Variants in RIMKLA observed in about 807,000 individuals in gnomAD.
RIMKLA encodes N-acetylaspartylglutamate synthase A.
RIMKLA carries 14 observed loss-of-function variants against 32.7 expected under a neutral mutation model. The ratio of observed to expected loss-of-function variants is 0.43; its 90% CI spans 0.28 to 0.67. The LOEUF (loss-of-function observed/expected upper bound fraction) is 0.67. Ranked by LOEUF, RIMKLA falls within the 30% of genes least tolerant of loss-of-function variation. The pLI, the probability that RIMKLA is intolerant of heterozygous loss-of-function variation, is 0.18. For missense variants in RIMKLA, 410 were observed against 519.0 expected (o/e 0.79, Z 2.04); for synonymous variants, 176 against 204.1 (o/e 0.86, Z 1.18).
chr1:42,403,241 C>T (rs1189890677), intron 2 of RIMKLA, among the ~76,000 whole-genome samples: 1 of 152,070 alleles, frequency 6.6e-6, no homozygotes, highest in Non-Finnish European at 1.5e-5. Context: ...CTCTCTAAGC[C>T]CACAGCAAAG....
intron 1 of RIMKLA, among the ~76,000 whole-genome samples, chr1:42,397,244 TTTTG>T (rs1165497948): frequency 6.6e-6 from 1 of 152,166 alleles, no homozygotes; most frequent in Non-Finnish European, 1.5e-5. Flanking sequence ...TTTGTGGGTG[TTTTG>T]TTTTTCATCT....
chr1:42,391,894 T>C (rs139275701), intron 1 of RIMKLA, among the ~76,000 whole-genome samples: 83 of 152,196 alleles, frequency 5.5e-4, no homozygotes, highest in African/African-American at 2.0e-3. Flanking sequence ...CAAAGCGATT[T>C]TTGTGTCTTG....
intron 1 of RIMKLA, among the ~76,000 whole-genome samples, chr1:42,382,223 C>A (rs963034439): frequency 5.9e-5 from 9 of 152,210 alleles, no homozygotes; most frequent in Admixed American, 4.6e-4. Context: ...GAGAAATATA[C>A]CATAAACATT....
intron 1 of RIMKLA, among the ~76,000 whole-genome samples, chr1:42,395,283 G>C (rs1643033343): frequency 6.6e-6 from 1 of 151,682 alleles, no homozygotes; most frequent in South Asian, 2.1e-4. Context: ...GTTGGTCACT[G>C]TCCTAACTTG....
chr1:42,414,531 G>C lies in RIMKLA; in HGVS notation c.733G>C (p.Ala245Pro). The change falls in exon 5 of 5, where the codon GCT becomes CCT. Residue 245 changes from alanine (A) to proline (P), a missense_variant. Ala to Pro is a conservative substitution (Grantham distance 27). Transcript: ENST00000431473. ...CPLTEQGKQL[A>P]IQVSNILGMD... is the part of the protein sequence containing the mutation. ...GCTGACAGAACAAGGCAAGCAGTTG[G>C]CTATTCAGGTGTCCAACATCCTAGG... 6.2e-7 allele frequency: 1 copy of C among 1,614,202 alleles called. No homozygotes were observed. Among genetic ancestry groups the C allele is most frequent in the Non-Finnish European group, 8.5e-7 (1 of 1,180,028 alleles).
chr1:42,419,344 G>A lies in RIMKLA; in HGVS notation c.*4370G>A, dbSNP rs892967198. The stretch of plus-strand genomic sequence containing the variant: ...CCTGGTTTGGTAATTTTGCTGTGAG[G>A]TTCATGTTCTCTGGGGCTCCAGGGC... On this transcript the variant is annotated 3_prime_UTR_variant, in exon 5 of 5. Coordinates refer to ENST00000431473, the MANE Select transcript of RIMKLA (RefSeq NM_173642.4). The A allele has an allele frequency of 4.6e-5, 7 of 152,254 alleles. No homozygotes were observed. Among genetic ancestry groups the A allele is most frequent in the African/African-American group, 1.7e-4 (7 of 41,430 alleles). 9.4% of individuals were successfully genotyped at this position (152,254 alleles called of 1,614,324 possible).
chr1:42,401,568 T>C (rs1215418899), intron 2 of RIMKLA, among the ~76,000 whole-genome samples: 7 of 152,052 alleles, frequency 4.6e-5, no homozygotes, highest in African/African-American at 1.4e-4. Flanking sequence ...ATCAAAAGTA[T>C]TGTGTGATTC....
Position 42,422,273 on chromosome 1 carries a change from A to T in RIMKLA, c.*7299A>T, listed in dbSNP as rs972523036. 6.6e-6 allele frequency: 1 copy of T among 152,260 alleles called. No individual in the cohort carries two copies. The highest frequency in any genetic ancestry group is 6.5e-5 in the Admixed American group (1 of 15,292). The allele number at this position is 152,260 out of a possible 1,614,324, so 9.4% of individuals were successfully genotyped here. ...CTGCTTGTTCTGTCTAACTTCTGTG[A>T]TTTCAACACTTGAGAAAGATGTTTA... is the stretch of plus-strand genomic sequence containing the variant. On this transcript the variant is annotated 3_prime_UTR_variant, in exon 5 of 5. Transcript: ENST00000431473.
At chr1:42,393,001 A>G (rs1643013631) in intron 1 of RIMKLA, among the ~76,000 whole-genome samples, 1 of 151,954 alleles carries the variant, frequency 6.6e-6, no homozygotes, top group Non-Finnish European at 1.5e-5. Context: ...CAAAACAAAA[A>G]CTTGAAATTG....
chr1:42,382,046 CTG>C (rs2148380682), intron 1 of RIMKLA, among the ~76,000 whole-genome samples: 1 of 152,304 alleles, frequency 6.6e-6, no homozygotes. Flanking sequence ...AGCTCGTAAT[CTG>C]TTACTTTGCT....
rs947779869 is a variant in RIMKLA, at chr1:42,420,640, G to A, written c.*5666G>A. The A allele has an allele frequency of 4.6e-5, 7 of 152,154 alleles. No homozygotes were observed. Among genetic ancestry groups the A allele is most frequent in the African/African-American group, 7.2e-5 (3 of 41,434 alleles). The allele number at this position is 152,154 out of a possible 1,614,324, so 9.4% of individuals were successfully genotyped here. On this transcript the variant is annotated 3_prime_UTR_variant, in exon 5 of 5. Transcript: ENST00000431473. Reference sequence around the variant, plus strand: ...GACGAAGACAGTTCCCTCCCCAAGCGGAATTCGAGTGCCATCTCTTAAGGT... The same window carrying A: ...GACGAAGACAGTTCCCTCCCCAAGCAGAATTCGAGTGCCATCTCTTAAGGT...
chr1:42,402,836 C>T (rs528185104), intron 2 of RIMKLA, among the ~76,000 whole-genome samples: 7 of 152,226 alleles, frequency 4.6e-5, no homozygotes, highest in South Asian at 2.1e-4. Context: ...GGCAGTCCGC[C>T]CACCTCGGCG....
In RIMKLA at chr1:42,422,809, C is replaced by G. The variant is rs902680849; in HGVS notation, c.*7835C>G. On this transcript the variant is annotated 3_prime_UTR_variant, in exon 5 of 5. Transcript: ENST00000431473. ...TCTGAATTGTAATACTGCCAACTCT[C>G]AACTGTCAAGATGATGGAGGAAAAT... Among the ~76,000 whole-genome samples the G allele has an allele frequency of 3.9e-5, 6 of 152,198 alleles. No individual in the cohort carries two copies. Among genetic ancestry groups the G allele is most frequent in the African/African-American group, 1.4e-4 (6 of 41,444 alleles).
intron 1 of RIMKLA, among the ~76,000 whole-genome samples, chr1:42,382,391 A>T (rs1421101317): frequency 6.6e-6 from 1 of 152,214 alleles, no homozygotes; most frequent in Non-Finnish European, 1.5e-5. Context: ...ACAGTTAACA[A>T]GTATCTTGGC....
intron 1 of RIMKLA, among the ~76,000 whole-genome samples, chr1:42,387,694 T>A (rs978692759): frequency 1.3e-5 from 2 of 152,174 alleles, no homozygotes; most frequent in East Asian, 1.9e-4. Context: ...TTCATTTTTT[T>A]AAATCCTGTC....
rs937035176 is a variant in RIMKLA, at chr1:42,416,945, G to T, written c.*1971G>T. 6.6e-6 allele frequency: 1 copy of T among 152,152 alleles called. No homozygotes were observed. Among genetic ancestry groups the T allele is most frequent in the Non-Finnish European group, 1.5e-5 (1 of 68,020 alleles). 9.4% of individuals were successfully genotyped at this position (152,152 alleles called of 1,614,324 possible). On this transcript the variant is annotated 3_prime_UTR_variant, in exon 5 of 5. Transcript: ENST00000431473. ...AACTGTAACCCTAGTAATGTGTCTT[G>T]TACAGTTGAAAAATAATACTTCACC... is the stretch of plus-strand genomic sequence containing the variant.
rs373978535 is a variant in RIMKLA at position 42,404,486 on chromosome 1, A to G, written c.395-25A>G. On this transcript the variant is annotated intron_variant, in intron 2 of 4. Transcript: ENST00000431473. ...CTACCTGACTATCAGCCTTACCTTC[A>G]CTGACTTTCACCTTTTCTTGGCAGG... The G allele has an allele frequency of 1.8e-4, 275 of 1,552,626 alleles. No individual in the cohort carries two copies. The African/African-American group carries it at 3.2e-3, about 18-fold the overall frequency.
intron 1 of RIMKLA, among the ~76,000 whole-genome samples, chr1:42,393,085 A>G (rs964104555): frequency 1.3e-5 from 2 of 152,224 alleles, no homozygotes; most frequent in Non-Finnish European, 2.9e-5. Flanking sequence ...CCTCAGCAGG[A>G]TTCAGCTCTG....
intron 2 of RIMKLA, among the ~76,000 whole-genome samples, chr1:42,400,987 A>G (rs926388821): frequency 1.3e-5 from 2 of 152,002 alleles, no homozygotes; most frequent in South Asian, 2.1e-4. Context: ...CCTTTCGGGC[A>G]GTGGTCCCCA....
Sources: allele counts gnomAD v4.1 joint callset (sites outside exome capture counted in the v4.1 genomes callset), GRCh38; gene constraint gnomAD v4.1.1; transcripts MANE v1.5; gene names NCBI Gene and HGNC (gene_info 2026-07-23, HGNC 2026-07-21).